Variants in TTC39C observed in about 807,000 individuals in gnomAD.
TTC39C encodes the protein tetratricopeptide repeat domain 39C, also known as tetratricopeptide repeat protein 39C.
A neutral mutation model predicts 76.3 loss-of-function variants in TTC39C; 33 were observed. The ratio of observed to expected loss-of-function variants is 0.43; its 90% CI spans 0.33 to 0.58. The LOEUF is 0.58. TTC39C is among the 20% of genes least tolerant of loss of function. The pLI is 0.04. For synonymous variants in TTC39C, 254 were observed against 260.6 expected (o/e 0.97, Z 0.24); for missense variants, 595 against 701.4 (o/e 0.85, Z 1.71).
chr18:24,101,324 C>T (rs1254442169), intron 6 of TTC39C, among the ~76,000 whole-genome samples: 1 of 86,900 alleles, frequency 1.2e-5, no homozygotes, highest in Admixed American at 1.0e-4. Context: ...AAAAAAAAAA[C>T]TGGCTGGGCA....
intron 8 of TTC39C, chr18:24,120,875 C>A (rs1332995868): frequency 6.6e-6 from 1 of 152,234 alleles, no homozygotes; most frequent in Non-Finnish European, 1.5e-5. Context: ...GATCTCCTTC[C>A]TTTTTTCAGG....
At chr18:24,071,378 G>C (rs934926798) in intron 4 of TTC39C, among the ~76,000 whole-genome samples, 1 of 152,184 alleles carries the variant, frequency 6.6e-6, no homozygotes, top group Non-Finnish European at 1.5e-5. Flanking sequence ...AGAATTATCA[G>C]ATAATAGTAT....
chr18:24,005,047 A>C (rs1160458769), intron 1 of TTC39C, among the ~76,000 whole-genome samples: 1 of 152,234 alleles, frequency 6.6e-6, no homozygotes, highest in Non-Finnish European at 1.5e-5. Context: ...GGAAGAACTA[A>C]TGCCATGAAA....
chr18:24,074,284 T>C (rs1179562008), intron 4 of TTC39C, among the ~76,000 whole-genome samples: 1 of 152,214 alleles, frequency 6.6e-6, no homozygotes, highest in African/African-American at 2.4e-5. Flanking sequence ...CCTTAGAACC[T>C]GGTAGGACGT....
chr18:24,053,524 G>C (rs1458276869), intron 1 of TTC39C, among the ~76,000 whole-genome samples: 1 of 152,180 alleles, frequency 6.6e-6, no homozygotes, highest in African/African-American at 2.4e-5. Flanking sequence ...TAAGGTTGAG[G>C]CCTCCAAGTT....
chr18:24,104,772 G>A (rs2084726660), intron 6 of TTC39C, among the ~76,000 whole-genome samples: 1 of 148,040 alleles, frequency 6.8e-6, no homozygotes, highest in South Asian at 2.2e-4. Context: ...ACAGTCTCTT[G>A]TTCTTTTCCT....
At chr18:24,050,708 C>T (rs73402292) in intron 1 of TTC39C, among the ~76,000 whole-genome samples, 2,833 of 151,894 alleles carry the variant, frequency 0.019, 77 homozygotes, top group African/African-American at 0.065. Context: ...CCTGTCTCTA[C>T]TGAAAATACA....
intron 5 of TTC39C, among the ~76,000 whole-genome samples, chr18:24,082,153 T>TAGGA (rs1302636514): frequency 2.0e-5 from 3 of 151,644 alleles, no homozygotes; most frequent in African/African-American, 7.3e-5. Flanking sequence ...CCCAAGTAGC[T>TAGGA]AGGATTACAA....
chr18:24,019,461 G>A (rs1031650007), intron 1 of TTC39C, among the ~76,000 whole-genome samples: 21 of 152,134 alleles, frequency 1.4e-4, no homozygotes, highest in African/African-American at 4.6e-4. Flanking sequence ...ATAAAATGGC[G>A]AAAATGTATT....
At chr18:24,102,465 G>A (rs1599327150) in intron 6 of TTC39C, among the ~76,000 whole-genome samples, 1 of 152,236 alleles carries the variant, frequency 6.6e-6, no homozygotes, top group East Asian at 1.9e-4. Context: ...ATTCGGTTAT[G>A]AAGAAAGCAG....
chr18:24,073,810 A>T (rs2084270823), intron 4 of TTC39C, among the ~76,000 whole-genome samples: 1 of 152,310 alleles, frequency 6.6e-6, no homozygotes, highest in Non-Finnish European at 1.5e-5. Flanking sequence ...GTGAGCCACC[A>T]TGCCCAGCCA....
At chr18:24,034,811 C>T (rs2083713588) in intron 1 of TTC39C, among the ~76,000 whole-genome samples, 1 of 152,172 alleles carries the variant, frequency 6.6e-6, no homozygotes, top group Non-Finnish European at 1.5e-5. Context: ...TGTCAGAATT[C>T]TGTTTTTAAG....
Position 24,134,244 on chromosome 18 carries a change from A to G in TTC39C, c.*1670A>G, listed in dbSNP as rs2085168342. On this transcript the variant is annotated 3_prime_UTR_variant, in exon 14 of 14. Coordinates refer to ENST00000317571, the MANE Select transcript of TTC39C (RefSeq NM_001135993.2). ...TGAAGAGCAAAATTGGTGCCCAAAA[A>G]TATTGGACATCTGTTTTTTGTTTTT... is the stretch of plus-strand genomic sequence containing the variant. 2 of 147,492 alleles carry G rather than the reference A, an allele frequency of 1.4e-5. No homozygotes were observed. The highest frequency in any genetic ancestry group is 3.0e-5 in the Non-Finnish European group (2 of 67,258). 9.1% of individuals were successfully genotyped at this position (147,492 alleles called of 1,614,324 possible).
intron 1 of TTC39C, among the ~76,000 whole-genome samples, chr18:24,033,934 A>C (rs2083704193): frequency 6.6e-6 from 1 of 152,158 alleles, no homozygotes; most frequent in Non-Finnish European, 1.5e-5. Context: ...ACAAAGATGA[A>C]AGTGCAGCAA....
intron 1 of TTC39C, among the ~76,000 whole-genome samples, chr18:24,062,810 G>GTA (rs976653401): frequency 5.9e-5 from 9 of 152,284 alleles, no homozygotes; most frequent in Non-Finnish European, 1.2e-4. Flanking sequence ...AAAAATGAAT[G>GTA]TGTGTACCCT....
intron 6 of TTC39C, chr18:24,113,540 G>T: frequency 1.4e-6 from 1 of 701,308 alleles, no homozygotes; most frequent in Non-Finnish European, 2.6e-6. Context: ...GGGGAGGGAA[G>T]TCCACCTCCC....
Position 23,999,815 on chromosome 18 carries a change from G to T in TTC39C, c.-17+6777G>T, listed in dbSNP as rs146829731. 2.1e-4 allele frequency among the ~76,000 whole-genome samples: 32 copies of T among 152,340 alleles called. No individual in the cohort carries two copies. In the East Asian group the frequency reaches 6.2e-3, roughly 29 times the overall value. On this transcript the variant is annotated intron_variant, in intron 1 of 13. Transcript: ENST00000304621. ...GGCAGATGGGGCTGAGCAAATGTGG[G>T]GAGGCCCAAAACTTAGGTCCAAGTA... is the stretch of plus-strand genomic sequence containing the variant.
chr18:24,096,784 A>T (rs2145783251), intron 6 of TTC39C, among the ~76,000 whole-genome samples: 1 of 152,322 alleles, frequency 6.6e-6, no homozygotes, highest in African/African-American at 2.4e-5. Context: ...CAAAAACTTC[A>T]TTGACAAATG....
chr18:24,045,132 G>A (rs763879626), intron 1 of TTC39C, among the ~76,000 whole-genome samples: 1 of 152,090 alleles, frequency 6.6e-6, no homozygotes, highest in Non-Finnish European at 1.5e-5. Context: ...AGCCAGACAC[G>A]GTGGCACACG....
Sources: allele counts gnomAD v4.1 joint callset (sites outside exome capture counted in the v4.1 genomes callset), GRCh38; gene constraint gnomAD v4.1.1; transcripts MANE v1.5; gene names NCBI Gene and HGNC (gene_info 2026-07-23, HGNC 2026-07-21).